SLC45A4: variants seen among roughly 807,000 people sequenced by gnomAD.
SLC45A4 encodes the protein polyamine-transporter SLC45A4.
SLC45A4 carries 32 observed loss-of-function variants against 63.7 expected under a neutral mutation model. The ratio of observed to expected loss-of-function variants is 0.50; its 90% CI spans 0.38 to 0.67. SLC45A4 has a LOEUF of 0.67. SLC45A4 is among the 30% of genes least tolerant of loss of function. The pLI is 0.00. For missense variants in SLC45A4, 1,027 were observed against 1,157.7 expected, an observed-to-expected ratio of 0.89 and a Z score of 1.64; for synonymous variants, 535 against 510.0, an observed-to-expected ratio of 1.05 and a Z score of -0.66.
chr8:141,261,257 G>A (rs1183454509), intron 1 of SLC45A4, among the ~76,000 whole-genome samples: 1 of 152,186 alleles, frequency 6.6e-6, no homozygotes, highest in Non-Finnish European at 1.5e-5. Flanking sequence ...CAGACCCACA[G>A]CCAATATCAT....
rs1057456354 is a variant in SLC45A4 at position 141,301,106 on chromosome 8, C to A, written c.-401+6990G>T. 3.3e-5 allele frequency among the ~76,000 whole-genome samples: 5 copies of A among 152,168 alleles called. No individual in the cohort carries two copies. The East Asian group carries it at 9.6e-4, about 29-fold the overall frequency. ...GGAGAAAGTCCCGGTGCCCAGGGAG[C>A]CCCCACCTCCAGCCTGCCTGCCCCG... On this transcript the variant is annotated intron_variant, in intron 1 of 8. Transcript: ENST00000517878.
Position 141,215,903 on chromosome 8 carries a change from C to A in SLC45A4, c.1797G>T (p.Leu599=), listed in dbSNP as rs76949108. 7.5e-4 allele frequency: 1,218 copies of A among 1,614,122 alleles called. 6 individuals are homozygous for A. In the African/African-American group the frequency reaches 0.015, roughly 19 times the overall value. The change falls in exon 7 of 9, where the codon CTG becomes CTT. Residue 599 remains leucine (L), a synonymous_variant. Transcript: ENST00000517878. This position sits in a 1 kb window ranked among gnomAD's most constrained non-coding sequence, Gnocchi z 4.3. ...SVRVIYVLGT[L]GFSVGTAVMA... The stretch of plus-strand genomic sequence containing the variant: ...TCACGGCTGTGCCGACAGAGAAGCC[C>A]AGCGTCCCCAGCACGTAGATCACCC...
intron 6 of SLC45A4, 80 bp downstream of exon 6, chr8:141,217,010 G>C: frequency 2.1e-6 from 3 of 1,419,960 alleles, no homozygotes; most frequent in Non-Finnish European, 3.0e-6. Context: ...AGCTTCTAAG[G>C]TGCAGGATTC....
chr8:141,298,638 G>A (rs13273998), intron 1 of SLC45A4, among the ~76,000 whole-genome samples: 21,590 of 152,222 alleles, frequency 0.14, 1,811 homozygotes, highest in Non-Finnish European at 0.19. Context: ...AGGAGCCAGG[G>A]AGCCAACCCA....
At chr8:141,217,978 A>C in intron 5 of SLC45A4, 33 bp downstream of exon 5, 3 of 1,572,516 alleles carry the variant, frequency 1.9e-6, no homozygotes, top group Non-Finnish European at 2.6e-6. Flanking sequence ...GTGGGCAGAG[A>C]GAGCGGCCCC....
rs573949066 is a variant in SLC45A4 at position 141,278,441 on chromosome 8, C to T, written c.-400-23812G>A. 5.0e-5 allele frequency: 7 copies of T among 140,718 alleles called. No individual in the cohort carries two copies. Among genetic ancestry groups the T allele is most frequent in the Non-Finnish European group, 1.1e-4 (7 of 65,840 alleles). The allele number at this position is 140,718 out of a possible 1,614,324, so 8.7% of individuals were successfully genotyped here. On this transcript the variant is annotated intron_variant, in intron 1 of 8. Coordinates refer to ENST00000517878, the MANE Select transcript of SLC45A4 (RefSeq NM_001286646.2). This position sits in a 1 kb window ranked among gnomAD's most constrained non-coding sequence, Gnocchi z 4.1. The stretch of plus-strand genomic sequence containing the variant: ...GGCGGCCGACCCACGAGGACACTGG[C>T]GGGACAGGGGTGAGCACAACCCACG...
At chr8:141,212,036 T>C in intron 8 of SLC45A4, 161 bp downstream of exon 8, 1 of 1,345,062 alleles carries the variant, frequency 7.4e-7, no homozygotes, top group Non-Finnish European at 9.5e-7. Flanking sequence ...TACTGAATTG[T>C]GGCTATGGGG....
At chr8:141,231,017 G>A (rs1413335010) in intron 2 of SLC45A4, among the ~76,000 whole-genome samples, 1 of 152,164 alleles carries the variant, frequency 6.6e-6, no homozygotes, top group Non-Finnish European at 1.5e-5. Context: ...CACCCCGCCC[G>A]GCCTCTCTCT....
rs774953706 is a variant in SLC45A4, at chr8:141,211,254, G to A, written c.*318C>T. The stretch of plus-strand genomic sequence containing the variant: ...AAGTCAACGTTTCCTTCCCCCTGAC[G>A]TTGGGAGCGGTCTGGAGGGGCAACC... On this transcript the variant is annotated 3_prime_UTR_variant, in exon 9 of 9. Coordinates refer to ENST00000517878, the MANE Select transcript of SLC45A4 (RefSeq NM_001286646.2). 136 of 472,210 alleles carry A rather than the reference G, an allele frequency of 2.9e-4. No homozygotes were observed. The Middle Eastern group carries it at 5.0e-3, about 17-fold the overall frequency. The allele number at this position is 472,210 out of a possible 1,614,324, so 29.3% of individuals were successfully genotyped here. A position where few individuals can be genotyped will look rare whatever the true frequency, so the allele number is the denominator to read the frequency against.
intron 1 of SLC45A4, among the ~76,000 whole-genome samples, chr8:141,259,735 C>T (rs995590067): frequency 6.6e-6 from 1 of 152,184 alleles, no homozygotes; most frequent in African/African-American, 2.4e-5. Flanking sequence ...CCTCATCCCC[C>T]GCTTTCATCT....
At chr8:141,252,508 TGTG>T (rs1828518182) in intron 2 of SLC45A4, 1 of 135,962 alleles carries the variant, frequency 7.4e-6, no homozygotes, top group African/African-American at 2.5e-5. Flanking sequence ...CCTGTGCGTC[TGTG>T]AATTTCCGTG....
intron 1 of SLC45A4, among the ~76,000 whole-genome samples, chr8:141,293,031 T>G (rs567204753): frequency 3.9e-5 from 6 of 152,150 alleles, no homozygotes; most frequent in Admixed American, 3.9e-4. Flanking sequence ...GACACCCACA[T>G]GCATGGTGAC....
At chr8:141,245,227 A>G (rs556387111) in intron 2 of SLC45A4, among the ~76,000 whole-genome samples, 19 of 152,340 alleles carry the variant, frequency 1.2e-4, no homozygotes, top group Admixed American at 7.2e-4. Context: ...ATCTGCTGAG[A>G]TAAGTAAGGC....
chr8:141,258,892 T>TA (rs1308328481), intron 1 of SLC45A4, among the ~76,000 whole-genome samples: 1,407 of 112,768 alleles, frequency 0.012, 30 homozygotes, highest in African/African-American at 0.036. Flanking sequence ...CCTCTTTTTT[T>TA]TAAAAAAAAA....
At chr8:141,295,094 G>C (rs1476097591) in intron 1 of SLC45A4, among the ~76,000 whole-genome samples, 4 of 152,238 alleles carry the variant, frequency 2.6e-5, no homozygotes, top group African/African-American at 9.6e-5. Context: ...GGACATTCCA[G>C]AGAGGGAAGT....
At chr8:141,240,063 G>A (rs1827833267) in intron 2 of SLC45A4, among the ~76,000 whole-genome samples, 1 of 152,198 alleles carries the variant, frequency 6.6e-6, no homozygotes, top group African/African-American at 2.4e-5. Context: ...CACACGAAAC[G>A]ACAATGAAGA....
chr8:141,268,741 A>AG (rs1427986316), intron 1 of SLC45A4, among the ~76,000 whole-genome samples: 1 of 152,202 alleles, frequency 6.6e-6, no homozygotes, highest in Non-Finnish European at 1.5e-5. Context: ...AAAGGAATTA[A>AG]GGGGCATCCA....
intron 2 of SLC45A4, chr8:141,228,220 AG>A (rs770700893): frequency 6.2e-7 from 1 of 1,614,120 alleles, no homozygotes; most frequent in Non-Finnish European, 8.5e-7. Flanking sequence ...TGGACTCACA[AG>A]GGTCTTTGGA....
rs1443029509 is a variant in SLC45A4 at position 141,254,260 on chromosome 8, T to C, written c.-31A>G. On this transcript the variant is annotated 5_prime_UTR_variant, in exon 2 of 9. It adds an upstream start codon to the 5' untranslated region. Transcript: ENST00000517878. The surrounding 1 kb of genome is among the most constrained non-coding windows in gnomAD (Gnocchi z 4.5). Reference sequence around the variant, plus strand: ...CCAAAAATATATGTATTTATCTATATATTCTATCTATATAAATAATGCTTT... The same window carrying C: ...CCAAAAATATATGTATTTATCTATACATTCTATCTATATAAATAATGCTTT... The C allele has an allele frequency of 1.4e-6, 2 of 1,474,612 alleles. No individual in the cohort carries two copies. The highest frequency in any genetic ancestry group is 1.8e-6 in the Non-Finnish European group (2 of 1,115,550). The allele number at this position is 1,474,612 out of a possible 1,614,324, so 91.3% of individuals were successfully genotyped here.
Sources: allele counts gnomAD v4.1 joint callset (sites outside exome capture counted in the v4.1 genomes callset), GRCh38; gene constraint gnomAD v4.1.1; non-coding constraint Gnocchi (gnomAD v3.1); transcripts MANE v1.5; gene names NCBI Gene and HGNC (gene_info 2026-07-23, HGNC 2026-07-21).